PCSK2: variants seen among roughly 807,000 people sequenced by gnomAD.
PCSK2 encodes neuroendocrine convertase 2.
PCSK2 carries 14 observed loss-of-function variants against 69.7 expected under a neutral mutation model. The ratio of observed to expected loss-of-function variants is 0.20; its 90% confidence interval spans 0.13 to 0.31. PCSK2 has a LOEUF of 0.31. Among genes scored for constraint, PCSK2 ranks in the 10% least tolerant of loss-of-function variants. The pLI, the probability that PCSK2 is intolerant of heterozygous loss-of-function variation, is 1.00. For synonymous variants in PCSK2, 307 were observed against 320.7 expected, an observed-to-expected ratio of 0.96 and a Z score of 0.46; for missense variants, 544 against 842.5, an observed-to-expected ratio of 0.65 and a Z score of 4.39.
At chr20:17,373,193 G>A (rs528151570) in intron 5 of PCSK2, among the ~76,000 whole-genome samples, 28 of 152,296 alleles carry the variant, frequency 1.8e-4, no homozygotes, top group African/African-American at 6.5e-4. Context: ...GTAGAGGACA[G>A]GGAATGAGTC....
chr20:17,271,634 A>G (rs975926396), intron 2 of PCSK2, among the ~76,000 whole-genome samples: 6 of 152,050 alleles, frequency 3.9e-5, no homozygotes, highest in African/African-American at 1.4e-4. Flanking sequence ...GGTGAACCTG[A>G]GTGTACACAC....
chr20:17,317,278 A>ACC (rs1394439664), intron 2 of PCSK2, among the ~76,000 whole-genome samples: 25 of 152,364 alleles, frequency 1.6e-4, no homozygotes, highest in Non-Finnish European at 2.6e-4. Context: ...AATGTGAATT[A>ACC]CTGATACATA....
chr20:17,389,033 G>A (rs2031307540), intron 5 of PCSK2, among the ~76,000 whole-genome samples: 5 of 151,996 alleles, frequency 3.3e-5, no homozygotes, highest in Admixed American at 2.6e-4. Context: ...TACCAGAGTT[G>A]GGGTTTTCTA....
chr20:17,356,149 A>G (rs1295178143), intron 2 of PCSK2, among the ~76,000 whole-genome samples: 1 of 151,588 alleles, frequency 6.6e-6, no homozygotes, highest in East Asian at 1.9e-4. Context: ...GTGCATAAGT[A>G]TATATATATA....
chr20:17,275,457 T>G (rs1025595374), intron 2 of PCSK2, among the ~76,000 whole-genome samples: 2 of 152,094 alleles, frequency 1.3e-5, no homozygotes, highest in Non-Finnish European at 2.9e-5. Flanking sequence ...TACCTGTGCT[T>G]ATTACATGGG....
intron 2 of PCSK2, among the ~76,000 whole-genome samples, chr20:17,321,702 TC>T (rs981895726): frequency 2.3e-4 from 35 of 152,284 alleles, no homozygotes; most frequent in African/African-American, 7.5e-4. Context: ...TCTGCAAGAT[TC>T]CCACCAACTG....
intron 4 of PCSK2, 48 bp from the exon 5 acceptor site, chr20:17,369,192 T>C: frequency 6.4e-7 from 1 of 1,550,468 alleles, no homozygotes; most frequent in Non-Finnish European, 8.9e-7. Flanking sequence ...GAGGACACAG[T>C]GGCAGGTATT....
At chr20:17,303,544 TATG>T (rs1159933166) in intron 2 of PCSK2, among the ~76,000 whole-genome samples, 1 of 31,152 alleles carries the variant, frequency 3.2e-5, no homozygotes, top group African/African-American at 1.0e-4. Context: ...TTATATATAA[TATG>T]ATATAATATA....
At chr20:17,414,753 T>C (rs563665650) in intron 6 of PCSK2, among the ~76,000 whole-genome samples, 3 of 152,328 alleles carry the variant, frequency 2.0e-5, no homozygotes, top group South Asian at 2.1e-4. Flanking sequence ...TTTAGACCAA[T>C]GTCCCTGATG....
chr20:17,282,843 G>A (rs2123049310), intron 2 of PCSK2, among the ~76,000 whole-genome samples: 1 of 152,290 alleles, frequency 6.6e-6, no homozygotes, highest in East Asian at 1.9e-4. Context: ...ACAGGCTGGG[G>A]AGAATGAGTC....
rs1478841760 is a variant in PCSK2, at chr20:17,303,455, T to TATAA, written c.282+43111_282+43112insATAA. Among the ~76,000 whole-genome samples, 165 of 58,662 alleles carry TATAA rather than the reference T, an allele frequency of 2.8e-3. 2 individuals are homozygous for TATAA. The highest frequency in any genetic ancestry group is 4.0e-3 in the East Asian group (15 of 3,758). The allele number at this position is 58,662 out of a possible 152,430, so 38.5% of individuals were successfully genotyped here. A position where few individuals can be genotyped will look rare whatever the true frequency, so the allele number is the denominator to read the frequency against. On this transcript the variant is annotated intron_variant, in intron 2 of 11. Transcript: ENST00000262545. ...AATATATAATATAATATATATTATA[T>TATAA]TAAATATAATATATATTATATATAA...
At chr20:17,249,184 T>A (rs1173780528) in intron 1 of PCSK2, among the ~76,000 whole-genome samples, 1 of 152,174 alleles carries the variant, frequency 6.6e-6, no homozygotes, top group Non-Finnish European at 1.5e-5. Context: ...ATTTTTAACT[T>A]GCATCTTGGA....
intron 1 of PCSK2, among the ~76,000 whole-genome samples, chr20:17,247,506 A>G (rs1986812421): frequency 6.6e-6 from 1 of 152,248 alleles, no homozygotes. Context: ...CTACCAAACT[A>G]GATCCCGACT....
At chr20:17,345,943 T>C (rs1196335761) in intron 2 of PCSK2, among the ~76,000 whole-genome samples, 1 of 152,216 alleles carries the variant, frequency 6.6e-6, no homozygotes, top group Non-Finnish European at 1.5e-5. Context: ...CCAAGACACA[T>C]GACCTTGATG....
chr20:17,275,062 T>C (rs1354578051), intron 2 of PCSK2, among the ~76,000 whole-genome samples: 1 of 139,282 alleles, frequency 7.2e-6, no homozygotes, highest in Non-Finnish European at 1.5e-5. Flanking sequence ...TATTCTATCT[T>C]ATTTTGTGCA....
intron 8 of PCSK2, among the ~76,000 whole-genome samples, chr20:17,437,522 C>G (rs568863535): frequency 3.9e-5 from 6 of 152,270 alleles, no homozygotes; most frequent in African/African-American, 1.4e-4. Flanking sequence ...AGACATGACC[C>G]CAGGCTCAGG....
intron 2 of PCSK2, among the ~76,000 whole-genome samples, chr20:17,277,598 C>T (rs968156241): frequency 1.4e-5 from 2 of 142,874 alleles, no homozygotes; most frequent in Non-Finnish European, 3.2e-5. Flanking sequence ...AAATGTTAGA[C>T]CTAAAACCAT....
intron 2 of PCSK2, among the ~76,000 whole-genome samples, chr20:17,322,398 A>G (rs894555444): frequency 2.0e-5 from 3 of 152,142 alleles, no homozygotes; most frequent in African/African-American, 7.2e-5. Context: ...TCTAAAATTC[A>G]TAGGTTGAAG....
chr20:17,252,832 G>A (rs558727063), intron 1 of PCSK2, among the ~76,000 whole-genome samples: 1 of 152,250 alleles, frequency 6.6e-6, no homozygotes, highest in South Asian at 2.1e-4. Context: ...ATGCACAAAA[G>A]AGAAGAAACT....
Sources: gnomAD v4.1 joint callset for allele counts (sites outside exome capture counted in the v4.1 genomes callset) on GRCh38, gnomAD v4.1.1 for gene constraint, MANE v1.5 for transcripts, NCBI Gene and HGNC (gene_info 2026-07-23, HGNC 2026-07-21) for gene names.